TAS2R1: variants seen among roughly 807,000 people sequenced by gnomAD.
TAS2R1 encodes the protein taste 2 receptor member 1, also known as taste receptor type 2 member 1.
For missense variants in TAS2R1, 370 were observed against 353.4 expected, an observed-to-expected ratio of 1.05 and a Z score of -0.38; for synonymous variants, 141 against 134.2, an observed-to-expected ratio of 1.05 and a Z score of -0.35.
chr5:9,791,254 C>A, the TAS2R1 span, among the ~76,000 whole-genome samples: 1 of 152,192 alleles, frequency 6.6e-6, no homozygotes, highest in Non-Finnish European at 1.5e-5. Flanking sequence ...TGCTCAGAAT[C>A]CTCCCTTGCA....
chr5:9,697,021 A>T (rs1275094349), intron 1 of TAS2R1, among the ~76,000 whole-genome samples: 2 of 152,176 alleles, frequency 1.3e-5, no homozygotes, highest in Non-Finnish European at 2.9e-5. Flanking sequence ...CTCAAAAAAA[A>T]TAAAAAAAGA....
the TAS2R1 span, among the ~76,000 whole-genome samples, chr5:9,785,311 G>A: frequency 6.6e-6 from 1 of 152,144 alleles, no homozygotes; most frequent in East Asian, 1.9e-4. Flanking sequence ...TACAAAAATA[G>A]AATCAATCAT....
intron 1 of TAS2R1, among the ~76,000 whole-genome samples, chr5:9,708,464 T>A (rs168788): frequency 6.6e-6 from 1 of 152,046 alleles, no homozygotes; most frequent in Non-Finnish European, 1.5e-5. Context: ...AATATAATCA[T>A]GTCATAAGGC....
At chr5:9,781,393 A>C in the TAS2R1 span, among the ~76,000 whole-genome samples, 1 of 152,086 alleles carries the variant, frequency 6.6e-6, no homozygotes, top group Non-Finnish European at 1.5e-5. Flanking sequence ...ACCATGTCTC[A>C]CCTGGACTGC....
At chr5:9,789,095 C>T in the TAS2R1 span, among the ~76,000 whole-genome samples, 1 of 152,154 alleles carries the variant, frequency 6.6e-6, no homozygotes, top group South Asian at 2.1e-4. Flanking sequence ...AGACACCATT[C>T]CCATGCCTAC....
chr5:9,761,526 G>A, the TAS2R1 span, among the ~76,000 whole-genome samples: 2 of 152,132 alleles, frequency 1.3e-5, no homozygotes, highest in Non-Finnish European at 2.9e-5. Context: ...ACTCCAGAAG[G>A]ATAGAAGAAA....
At chr5:9,754,921 A>G in the TAS2R1 span, among the ~76,000 whole-genome samples, 1 of 152,242 alleles carries the variant, frequency 6.6e-6, no homozygotes, top group Non-Finnish European at 1.5e-5. Flanking sequence ...ACCAAAAAAG[A>G]GCCCGCATTG....
At chr5:9,756,091 G>A in the TAS2R1 span, among the ~76,000 whole-genome samples, 1 of 152,190 alleles carries the variant, frequency 6.6e-6, no homozygotes, top group Non-Finnish European at 1.5e-5. Flanking sequence ...AAATGCCTCT[G>A]ACAGTTTGGC....
At chr5:9,880,885 G>A in the TAS2R1 span, among the ~76,000 whole-genome samples, 2 of 152,086 alleles carry the variant, frequency 1.3e-5, no homozygotes, top group Non-Finnish European at 2.9e-5. Context: ...TAAAAGTCAT[G>A]TCAGCCATCC....
At chr5:9,861,533 A>T in the TAS2R1 span, among the ~76,000 whole-genome samples, 11 of 152,196 alleles carry the variant, frequency 7.2e-5, no homozygotes, top group African/African-American at 2.7e-4. Flanking sequence ...ATGGTGGTGG[A>T]GAAAAGGCAC....
the TAS2R1 span, among the ~76,000 whole-genome samples, chr5:9,775,862 A>T: frequency 6.6e-6 from 1 of 152,178 alleles, no homozygotes; most frequent in Non-Finnish European, 1.5e-5. Flanking sequence ...TCAAGAAAAA[A>T]ATAAATAAAA....
chr5:9,680,328 A>G (rs1444163389), intron 1 of TAS2R1, among the ~76,000 whole-genome samples: 1 of 152,222 alleles, frequency 6.6e-6, no homozygotes, highest in Non-Finnish European at 1.5e-5. Flanking sequence ...TAATTTATGT[A>G]GATATTCTTT....
At chr5:9,666,838 T>C (rs1441056490) in intron 1 of TAS2R1, among the ~76,000 whole-genome samples, 1 of 152,208 alleles carries the variant, frequency 6.6e-6, no homozygotes. Context: ...TATTATATAC[T>C]ATCCCAAGTG....
chr5:9,637,936 C>A (rs1311144840), intron 2 of TAS2R1, among the ~76,000 whole-genome samples: 1 of 152,076 alleles, frequency 6.6e-6, no homozygotes, highest in Non-Finnish European at 1.5e-5. Context: ...TCAGAGAGTT[C>A]TTCTTGGTTT....
the TAS2R1 span, among the ~76,000 whole-genome samples, chr5:9,886,705 A>T: frequency 6.6e-6 from 1 of 152,146 alleles, no homozygotes; most frequent in Non-Finnish European, 1.5e-5. Flanking sequence ...AATACTATCT[A>T]TACATTTCAA....
chr5:9,817,471 G>A, the TAS2R1 span, among the ~76,000 whole-genome samples: 2 of 152,176 alleles, frequency 1.3e-5, no homozygotes, highest in African/African-American at 4.8e-5. Context: ...TTTTCAAACT[G>A]GAAGAAATTT....
chr5:9,728,342 T>G, the TAS2R1 span, among the ~76,000 whole-genome samples: 1 of 152,192 alleles, frequency 6.6e-6, no homozygotes, highest in Admixed American at 6.5e-5. Flanking sequence ...TAACAGACAT[T>G]TTTAAAAATA....
At chr5:9,711,983 T>G (rs1734688723) in intron 1 of TAS2R1, among the ~76,000 whole-genome samples, 1 of 145,658 alleles carries the variant, frequency 6.9e-6, no homozygotes, top group African/African-American at 2.5e-5. Flanking sequence ...CAACGTTTTT[T>G]TTTTTTCACC....
At chr5:9,689,959 A>C (rs867939923) in intron 1 of TAS2R1, among the ~76,000 whole-genome samples, 4 of 152,228 alleles carry the variant, frequency 2.6e-5, no homozygotes, top group Non-Finnish European at 5.9e-5. Flanking sequence ...CTAAATGTTG[A>C]AAAACTGTGT....
Sources: gnomAD v4.1 joint callset for allele counts (sites outside exome capture counted in the v4.1 genomes callset) on GRCh38, gnomAD v4.1.1 for gene constraint, MANE v1.5 for transcripts, NCBI Gene and HGNC (gene_info 2026-07-23, HGNC 2026-07-21) for gene names.